Variants in YWHAE observed in about 807,000 individuals in gnomAD.
The protein encoded by YWHAE is tyrosine 3-monooxygenase/tryptophan 5-monooxygenase activation protein epsilon, also known as 14-3-3 protein epsilon.
A neutral mutation model predicts 30.1 loss-of-function variants in YWHAE; 4 were observed. The ratio of observed to expected loss-of-function variants is 0.13; its 90% CI spans 0.07 to 0.30. YWHAE has a LOEUF of 0.30. YWHAE is among the 10% of genes least tolerant of loss of function. The pLI is 1.00. For missense variants in YWHAE, 121 were observed against 315.9 expected, an observed-to-expected ratio of 0.38 and a Z score of 4.68; for synonymous variants, 118 against 111.8, an observed-to-expected ratio of 1.06 and a Z score of -0.35.
intron 1 of YWHAE, among the ~76,000 whole-genome samples, chr17:1,387,965 G>C (rs1032666878): frequency 1.6e-5 from 2 of 126,608 alleles, no homozygotes; most frequent in South Asian, 2.5e-4. Context: ...TCACTCTGTC[G>C]TTCAGGCTGG....
At chr17:1,357,036 G>A (rs1203329669) in intron 4 of YWHAE, among the ~76,000 whole-genome samples, 3 of 151,788 alleles carry the variant, frequency 2.0e-5, no homozygotes, top group Non-Finnish European at 4.4e-5. Context: ...TTGGGAGGCC[G>A]AGGAGGGCAG....
intron 1 of YWHAE, among the ~76,000 whole-genome samples, chr17:1,380,727 C>T (rs2150867809): frequency 6.6e-6 from 1 of 152,300 alleles, no homozygotes; most frequent in East Asian, 1.9e-4. Flanking sequence ...AAGCCTTTTG[C>T]AGAATACAGC....
In YWHAE at chr17:1,351,736, C is replaced by T. The variant is rs192930235; in HGVS notation, c.715+2475G>A. ...AGCCTCAAGATCCCCCAACCTCAGC[C>T]GTCTGAGAAGCATGCGTTGTCACAC... On this transcript the variant is annotated intron_variant, in intron 5 of 5. Transcript: ENST00000264335. Among the ~76,000 whole-genome samples the T allele has an allele frequency of 3.3e-5, 5 of 152,180 alleles. No individual in the cohort carries two copies. The East Asian group carries it at 7.7e-4, about 23-fold the overall frequency.
At chr17:1,349,036 GAAA>G (rs918574800) in intron 5 of YWHAE, among the ~76,000 whole-genome samples, 1 of 132,310 alleles carries the variant, frequency 7.6e-6, no homozygotes, top group African/African-American at 2.8e-5. Flanking sequence ...ACGAAAAAAG[GAAA>G]AAAAAAAAAG....
chr17:1,374,861 T>C (rs2073099950), intron 1 of YWHAE, among the ~76,000 whole-genome samples: 1 of 152,118 alleles, frequency 6.6e-6, no homozygotes, highest in South Asian at 2.1e-4. Flanking sequence ...TCTGCATCCC[T>C]TAAGGTAGCA....
chr17:1,381,931 AAAGAC>A (rs1316157991), intron 1 of YWHAE, among the ~76,000 whole-genome samples: 29 of 151,616 alleles, frequency 1.9e-4, no homozygotes, highest in African/African-American at 5.6e-4. Flanking sequence ...AAAAAAAAAA[AAAGAC>A]AGGCAGACAG....
chr17:1,367,167 T>C (rs2072958025), intron 1 of YWHAE, among the ~76,000 whole-genome samples: 1 of 152,126 alleles, frequency 6.6e-6, no homozygotes, highest in South Asian at 2.1e-4. Context: ...AAAATAATCT[T>C]TACAAAGACT....
chr17:1,359,728 A>G (rs1415798955), intron 4 of YWHAE, among the ~76,000 whole-genome samples: 3 of 151,182 alleles, frequency 2.0e-5, no homozygotes, highest in Non-Finnish European at 4.4e-5. Context: ...AATGGCTATA[A>G]TTCGCTTTGT....
At chr17:1,371,345 A>G (rs779520590) in intron 1 of YWHAE, among the ~76,000 whole-genome samples, 5 of 152,144 alleles carry the variant, frequency 3.3e-5, no homozygotes, top group Non-Finnish European at 5.9e-5. Context: ...TCGGCCTCCC[A>G]AAGTGCTGAA....
rs1156799314 is a variant in YWHAE at position 1,345,000 on chromosome 17, G to A, written c.*447C>T. ...TAACACCCAATTACTTGCAAACACT[G>A]GTATAAAACACAGTTTAAACAATTA... is the stretch of plus-strand genomic sequence containing the variant. On this transcript the variant is annotated 3_prime_UTR_variant, in exon 6 of 6. Coordinates refer to ENST00000264335, the MANE Select transcript of YWHAE (RefSeq NM_006761.5). 1 of 237,040 alleles carries A rather than the reference G, an allele frequency of 4.2e-6. No individual in the cohort carries two copies. The highest frequency in any genetic ancestry group is 6.0e-5 in the East Asian group (1 of 16,586). 14.7% of individuals were successfully genotyped at this position (237,040 alleles called of 1,614,324 possible).
intron 4 of YWHAE, among the ~76,000 whole-genome samples, chr17:1,355,169 TTTTG>T (rs1293247995): frequency 0.16 from 10,095 of 62,496 alleles, 936 homozygotes; most frequent in Non-Finnish European, 0.21. Flanking sequence ...TTTTTTTTTT[TTTTG>T]GGGGACGGGG....
intron 5 of YWHAE, chr17:1,351,932 C>A (rs951452274): frequency 3.4e-5 from 5 of 149,242 alleles, no homozygotes; most frequent in South Asian, 2.1e-4. Flanking sequence ...AGATTACAGG[C>A]ACATACCACT....
At chr17:1,376,353 CAAGA>C (rs953626149) in intron 1 of YWHAE, among the ~76,000 whole-genome samples, 13 of 149,414 alleles carry the variant, frequency 8.7e-5, no homozygotes, top group Admixed American at 4.0e-4. Context: ...GACAGAAAGA[CAAGA>C]AAGACAGACA....
At chr17:1,358,281 C>T (rs1190374346) in intron 4 of YWHAE, among the ~76,000 whole-genome samples, 2 of 152,062 alleles carry the variant, frequency 1.3e-5, no homozygotes, top group African/African-American at 2.4e-5. Flanking sequence ...GCTCTGTCGC[C>T]CAGGCTGGAG....
intron 4 of YWHAE, among the ~76,000 whole-genome samples, chr17:1,358,671 C>CCCCCAAAAATTAG (rs1206094015): frequency 6.6e-6 from 1 of 151,798 alleles, no homozygotes; most frequent in Non-Finnish European, 1.5e-5. Flanking sequence ...ACTAAAAATG[C>CCCCCAAAAATTAG]CCCCAAAAAT....
intron 1 of YWHAE, among the ~76,000 whole-genome samples, chr17:1,374,681 T>C (rs981830846): frequency 2.6e-5 from 4 of 152,212 alleles, no homozygotes; most frequent in Admixed American, 2.0e-4. Flanking sequence ...TGATAACTAA[T>C]AGTGTTGAAC....
At chr17:1,384,464 G>GT (rs2073268569) in intron 1 of YWHAE, among the ~76,000 whole-genome samples, 1 of 151,428 alleles carries the variant, frequency 6.6e-6, no homozygotes. Context: ...GGCCAAGGCG[G>GT]GCAGATCACA....
intron 4 of YWHAE, among the ~76,000 whole-genome samples, chr17:1,359,809 TTGTTG>T (rs2072824593): frequency 8.5e-6 from 1 of 117,370 alleles, no homozygotes; most frequent in South Asian, 3.3e-4. Context: ...TGCCACTAAA[TTGTTG>T]TGTGTGTGTG....
chr17:1,344,606 G>A lies in YWHAE; in HGVS notation c.*841C>T, dbSNP rs1015763892. On this transcript the variant is annotated 3_prime_UTR_variant, in exon 6 of 6. Coordinates refer to ENST00000264335, the MANE Select transcript of YWHAE (RefSeq NM_006761.5). ...TTAATTCCATGCTGTGTTTCAGTAA[G>A]AACAATACAGATTCTGTATCTGTGG... 1.3e-5 allele frequency: 3 copies of A among 225,052 alleles called. No homozygotes were observed. The highest frequency in any genetic ancestry group is 2.7e-5 in the Non-Finnish European group (3 of 112,656). The allele number at this position is 225,052 out of a possible 1,614,324, so 13.9% of individuals were successfully genotyped here. A position where few individuals can be genotyped will look rare whatever the true frequency, so the allele number is the denominator to read the frequency against.
Sources: allele counts gnomAD v4.1 joint callset (sites outside exome capture counted in the v4.1 genomes callset), GRCh38; gene constraint gnomAD v4.1.1; transcripts MANE v1.5; gene names NCBI Gene and HGNC (gene_info 2026-07-23, HGNC 2026-07-21).